TRAPPC11: variants seen among roughly 807,000 people sequenced by gnomAD.
TRAPPC11 encodes trafficking protein particle complex subunit 11.
TRAPPC11 carries 104 observed loss-of-function variants against 151.2 expected under a neutral mutation model. The ratio of observed to expected loss-of-function variants is 0.69; its 90% confidence interval spans 0.59 to 0.81. The LOEUF is 0.81. TRAPPC11 is among the 30% of genes least tolerant of loss of function. The pLI, the probability that TRAPPC11 is intolerant of heterozygous loss-of-function variation, is 0.00. For synonymous variants in TRAPPC11, 456 were observed against 472.3 expected, an observed-to-expected ratio of 0.97 and a Z score of 0.45; for missense variants, 1,230 against 1,349.6, an observed-to-expected ratio of 0.91 and a Z score of 1.39.
chr4:183,692,865 A>G (rs1487550841), intron 19 of TRAPPC11, 95 bp from the exon 20 acceptor site: 53 of 1,138,406 alleles, frequency 4.7e-5, no homozygotes, highest in Non-Finnish European at 6.2e-5. Flanking sequence ...GATGAACTCC[A>G]TGGTCTTAGC....
At chr4:183,704,673 C>T (rs1165186538) in intron 26 of TRAPPC11, among the ~76,000 whole-genome samples, 10 of 151,652 alleles carry the variant, frequency 6.6e-5, no homozygotes, top group African/African-American at 1.9e-4. Flanking sequence ...ATTAGCCAGG[C>T]GTGGTGGCGG....
At chr4:183,673,418 A>G (rs569614747) in intron 5 of TRAPPC11, among the ~76,000 whole-genome samples, 1 of 152,332 alleles carries the variant, frequency 6.6e-6, no homozygotes, top group Non-Finnish European at 1.5e-5. Context: ...TTATGCCTGT[A>G]ATCCCAATAC....
At chr4:183,693,491 C>A in intron 20 of TRAPPC11, 98 bp from the exon 21 acceptor site, 1 of 1,326,940 alleles carries the variant, frequency 7.5e-7, no homozygotes, top group Non-Finnish European at 1.0e-6. Flanking sequence ...CAGGCCTGAG[C>A]CTCTGCACCC....
intron 26 of TRAPPC11, among the ~76,000 whole-genome samples, chr4:183,704,337 A>G (rs1284404006): frequency 6.6e-6 from 1 of 151,998 alleles, no homozygotes; most frequent in East Asian, 1.9e-4. Flanking sequence ...CCTGGCCAAC[A>G]TGGCAGAACC....
chr4:183,696,147 T>C (rs946892590), intron 23 of TRAPPC11, among the ~76,000 whole-genome samples: 8 of 152,064 alleles, frequency 5.3e-5, no homozygotes, highest in African/African-American at 1.9e-4. Flanking sequence ...TACTCCAAAA[T>C]CCAAAAAATC....
In TRAPPC11 at chr4:183,694,715, T is replaced by C. The variant is rs1736442001; in HGVS notation, c.2620T>C (p.Cys874Arg). ...TVEEKEIVCK[C>R]HKDETVTIET... ...TGAAGAAAAAGAAATTGTTTGCAAGTGTCACAAGGTATTTTTTTATAGCTA... is the reference window on the plus strand; with the variant it reads ...TGAAGAAAAAGAAATTGTTTGCAAGCGTCACAAGGTATTTTTTTATAGCTA... The change falls in exon 23 of 30, where the codon TGT (cysteine) becomes CGT (arginine). Residue 874 changes from cysteine (C) to arginine (R), a missense_variant. Coordinates refer to ENST00000334690, the MANE Select transcript of TRAPPC11 (RefSeq NM_021942.6). The C allele has an allele frequency of 6.2e-7, 1 of 1,605,332 alleles. No homozygotes were observed. The highest frequency in any genetic ancestry group is 8.5e-7 in the Non-Finnish European group (1 of 1,178,278).
chr4:183,668,113 A>G lies in TRAPPC11; in HGVS notation c.556A>G (p.Ile186Val), dbSNP rs753179376. 2 of 1,591,238 alleles carry G rather than the reference A, an allele frequency of 1.3e-6. No homozygotes were observed. The highest frequency in any genetic ancestry group is 2.7e-5 in the African/African-American group (2 of 74,224). ...PHTDHLVGYI[I>V]RLENAFYEHA... is the part of the protein sequence containing the mutation. ...CACTGACCACCTTGTGGGTTATATT[A>G]TAAGGTAAGTAGAGGTCTTTTAAAG... Residue 186 changes from isoleucine to valine, a missense_variant, in exon 5 of 30, where the codon ATA (isoleucine) becomes GTA (valine). Transcript: ENST00000334690.
intron 6 of TRAPPC11, 45 bp downstream of exon 6, chr4:183,674,857 T>G (rs764625345): frequency 2.5e-6 from 3 of 1,190,830 alleles, no homozygotes; most frequent in South Asian, 1.4e-5. Flanking sequence ...GAGCGGATTA[T>G]TATTATTTTT....
chr4:183,666,282 C>T lies in TRAPPC11; in HGVS notation c.230C>T (p.Pro77Leu). The change falls in exon 3 of 30, where the codon CCT (proline) becomes CTT (leucine). Residue 77 changes from proline to leucine, a missense_variant. Transcript: ENST00000334690. ...AGAACTTCATATGAGTGGTACATTC[C>T]TAAAGGGATCTTAAAGACTGGCTGG... ...PKRTSYEWYI[P>L]KGILKTGWMN... The T allele has an allele frequency of 6.2e-7, 1 of 1,613,990 alleles. No homozygotes were observed. The highest frequency in any genetic ancestry group is 8.5e-7 in the Non-Finnish European group (1 of 1,179,924).
chr4:183,661,579 G>T (rs1051619873), intron 1 of TRAPPC11, among the ~76,000 whole-genome samples: 12 of 151,656 alleles, frequency 7.9e-5, no homozygotes, highest in Admixed American at 7.2e-4. Flanking sequence ...CACCATGTTA[G>T]CCAGGATGGT....
intron 16 of TRAPPC11, 50 bp downstream of exon 16, chr4:183,685,195 TATATC>T: frequency 6.2e-7 from 1 of 1,609,412 alleles, no homozygotes; most frequent in Non-Finnish European, 8.5e-7. Context: ...TATGTGTACT[TATATC>T]TATATCAACT....
At chr4:183,693,475 G>T in intron 20 of TRAPPC11, 114 bp from the exon 21 acceptor site, 1 of 1,173,776 alleles carries the variant, frequency 8.5e-7, no homozygotes, top group Non-Finnish European at 1.2e-6. Flanking sequence ...CAAAATGCTG[G>T]GATTACAGGC....
chr4:183,667,033 A>G (rs1289659363), intron 3 of TRAPPC11, 27 bp from the exon 4 acceptor site: 2 of 1,564,542 alleles, frequency 1.3e-6, no homozygotes, highest in Non-Finnish European at 1.7e-6. Flanking sequence ...TAAAATAATT[A>G]ATTTTATTCT....
chr4:183,671,669 G>C (rs1386851502), intron 5 of TRAPPC11, among the ~76,000 whole-genome samples: 1 of 152,218 alleles, frequency 6.6e-6, no homozygotes, highest in African/African-American at 2.4e-5. Context: ...TTAGAAGCTA[G>C]AATGTCCTTC....
rs73872654 is a variant in TRAPPC11, at chr4:183,667,236, G to A, written c.445+106G>A. ...TAAATCTTTTATGCATTCAGTTATG[G>A]GGCTGATAGTATGTTAACTTTAAAA... On this transcript the variant is annotated intron_variant, in intron 4 of 29. Transcript: ENST00000334690. The A allele has an allele frequency of 1.7e-3, 1,365 of 793,672 alleles. 13 individuals are homozygous for A. The African/African-American group carries it at 0.019, about 11-fold the overall frequency. 49.2% of individuals were successfully genotyped at this position (793,672 alleles called of 1,614,324 possible).
rs115752190 is a variant in TRAPPC11 at position 183,695,567 on chromosome 4, G to A, written c.2628+844G>A. 5.6e-3 allele frequency among the ~76,000 whole-genome samples: 855 copies of A among 152,204 alleles called. 6 individuals are homozygous for A. Among genetic ancestry groups the A allele is most frequent in the African/African-American group, 0.02 (812 of 41,522 alleles). Reference sequence around the variant, plus strand: ...GTTTCTAAATAGATTCAATTGTGCTGTATATAATGTTTATGTTCTCTTTTG... The same window carrying A: ...GTTTCTAAATAGATTCAATTGTGCTATATATAATGTTTATGTTCTCTTTTG... On this transcript the variant is annotated intron_variant, in intron 23 of 29. Transcript: ENST00000334690.
At chr4:183,669,909 G>A (rs758666731) in intron 5 of TRAPPC11, among the ~76,000 whole-genome samples, 1 of 152,250 alleles carries the variant, frequency 6.6e-6, no homozygotes, top group African/African-American at 2.4e-5. Flanking sequence ...TGTTGTGGAT[G>A]ATGAAACATT....
chr4:183,669,620 C>T (rs192436424), intron 5 of TRAPPC11, among the ~76,000 whole-genome samples: 2 of 152,320 alleles, frequency 1.3e-5, no homozygotes, highest in East Asian at 3.9e-4. Flanking sequence ...CTTCCAGAGA[C>T]TATTTGGCAA....
At chr4:183,660,903 G>A (rs12648277) in intron 1 of TRAPPC11, among the ~76,000 whole-genome samples, 26,336 of 151,600 alleles carry the variant, frequency 0.17, 2,591 homozygotes, top group East Asian at 0.2. Context: ...TAGTAGAGAC[G>A]GGGTTTCACC....
Sources: allele counts gnomAD v4.1 joint callset (sites outside exome capture counted in the v4.1 genomes callset), GRCh38; gene constraint gnomAD v4.1.1; transcripts MANE v1.5; gene names NCBI Gene and HGNC (gene_info 2026-07-23, HGNC 2026-07-21).